The following ENTREP2 variants were observed in gnomAD, a reference collection of about 807,000 sequenced individuals.
ENTREP2 encodes endosomal transmembrane epsin interactor 2, also known as protein ENTREP2.
the ENTREP2 span, among the ~76,000 whole-genome samples, chr15:29,362,531 C>T: frequency 2.6e-5 from 4 of 151,898 alleles, no homozygotes; most frequent in African/African-American, 9.7e-5. Flanking sequence ...CACGCCGCCA[C>T]ACCCAGCTAA....
the ENTREP2 span, among the ~76,000 whole-genome samples, chr15:29,562,763 T>G: frequency 1.2e-4 from 18 of 144,496 alleles, no homozygotes; most frequent in African/African-American, 2.4e-4. Flanking sequence ...TTGTTGTTGG[T>G]TTTTTTTGGT....
At chr15:29,430,205 T>C in the ENTREP2 span, among the ~76,000 whole-genome samples, 1 of 152,106 alleles carries the variant, frequency 6.6e-6, no homozygotes, top group South Asian at 2.1e-4. Flanking sequence ...GCTCCTCCCA[T>C]GGCTGGCTCC....
At chr15:29,189,420 CT>C in the ENTREP2 span, among the ~76,000 whole-genome samples, 52,987 of 142,422 alleles carry the variant, frequency 0.37, 9,360 homozygotes, top group East Asian at 0.55. Flanking sequence ...AATTGTCTTG[CT>C]TTTTTTTTTT....
the ENTREP2 span, among the ~76,000 whole-genome samples, chr15:29,289,501 A>G: frequency 6.6e-6 from 1 of 152,132 alleles, no homozygotes; most frequent in Non-Finnish European, 1.5e-5. Flanking sequence ...ATTATCTACT[A>G]AAGTTGAACC....
At chr15:29,258,920 T>G in the ENTREP2 span, among the ~76,000 whole-genome samples, 1 of 152,222 alleles carries the variant, frequency 6.6e-6, no homozygotes, top group East Asian at 1.9e-4. Flanking sequence ...TGTCAGAATT[T>G]CCTTCCTTTT....
At chr15:29,164,663 C>T in the ENTREP2 span, among the ~76,000 whole-genome samples, 36 of 152,112 alleles carry the variant, frequency 2.4e-4, no homozygotes, top group South Asian at 3.9e-3. Context: ...AACACTGGAG[C>T]GCCAAAATTT....
the ENTREP2 span, among the ~76,000 whole-genome samples, chr15:29,656,252 G>C: frequency 2.0e-5 from 3 of 150,120 alleles, no homozygotes; most frequent in African/African-American, 7.4e-5. Context: ...TTGAGACAGA[G>C]TCTCACTCTG....
the ENTREP2 span, among the ~76,000 whole-genome samples, chr15:29,310,799 C>G: frequency 4.6e-5 from 7 of 152,076 alleles, no homozygotes; most frequent in Non-Finnish European, 1.0e-4. Flanking sequence ...GAACCTAATA[C>G]ACACATAAAC....
the ENTREP2 span, among the ~76,000 whole-genome samples, chr15:29,358,670 T>C: frequency 4.0e-5 from 6 of 151,182 alleles, no homozygotes; most frequent in Admixed American, 3.9e-4. Context: ...TAACTGTCAG[T>C]AGAAAAAAAA....
chr15:29,411,359 A>T, the ENTREP2 span, among the ~76,000 whole-genome samples: 1 of 152,092 alleles, frequency 6.6e-6, no homozygotes, highest in Admixed American at 6.5e-5. Flanking sequence ...CCAAATTGGC[A>T]TTGTCAAACT....
chr15:29,584,681 G>C, the ENTREP2 span, among the ~76,000 whole-genome samples: 1 of 152,128 alleles, frequency 6.6e-6, no homozygotes, highest in Non-Finnish European at 1.5e-5. Flanking sequence ...GAAATGGGGA[G>C]ATGTTGGTCA....
At chr15:29,518,500 G>A in the ENTREP2 span, among the ~76,000 whole-genome samples, 1 of 152,078 alleles carries the variant, frequency 6.6e-6, no homozygotes, top group African/African-American at 2.4e-5. Context: ...GGAAAAGGAG[G>A]CGTGCCATGG....
the ENTREP2 span, among the ~76,000 whole-genome samples, chr15:29,447,352 TA>T: frequency 2.0e-5 from 3 of 152,204 alleles, no homozygotes; most frequent in African/African-American, 7.2e-5. Context: ...CCTTTACTCA[TA>T]AAAAACAGAG....
chr15:29,655,765 C>A, the ENTREP2 span, among the ~76,000 whole-genome samples: 1 of 152,134 alleles, frequency 6.6e-6, no homozygotes, highest in East Asian at 1.9e-4. Flanking sequence ...GTGGCCCACA[C>A]CTGTAATCCC....
the ENTREP2 span, among the ~76,000 whole-genome samples, chr15:29,524,398 A>G: frequency 6.6e-6 from 1 of 152,026 alleles, no homozygotes; most frequent in Non-Finnish European, 1.5e-5. Flanking sequence ...GTGAAGTAGA[A>G]CCCCCACACA....
chr15:29,293,486 G>C, the ENTREP2 span, among the ~76,000 whole-genome samples: 2 of 151,456 alleles, frequency 1.3e-5, no homozygotes, highest in Non-Finnish European at 2.9e-5. Flanking sequence ...TCGATCTCCT[G>C]ACCTTGTGAT....
At chr15:29,654,241 T>C in the ENTREP2 span, among the ~76,000 whole-genome samples, 53 of 152,294 alleles carry the variant, frequency 3.5e-4, no homozygotes, top group African/African-American at 1.2e-3. Flanking sequence ...AACGGTAAAA[T>C]TGTTTTCTCA....
At chr15:29,434,751 G>C in the ENTREP2 span, among the ~76,000 whole-genome samples, 1 of 152,262 alleles carries the variant, frequency 6.6e-6, no homozygotes, top group Non-Finnish European at 1.5e-5. Context: ...ACTGGGGCAG[G>C]GCAGGGCGGT....
chr15:29,570,591 G>A, the ENTREP2 span: 1 of 1,466,362 alleles, frequency 6.8e-7, no homozygotes, highest in South Asian at 1.3e-5. Context: ...GCCACGATGA[G>A]GCATCCGAGC....
Sources: gnomAD v4.1 joint callset for allele counts (sites outside exome capture counted in the v4.1 genomes callset) on GRCh38, gnomAD v4.1.1 for gene constraint, MANE v1.5 for transcripts, NCBI Gene and HGNC (gene_info 2026-07-23, HGNC 2026-07-21) for gene names.